Variants in MED12L observed in about 807,000 individuals in gnomAD.
MED12L encodes mediator of RNA polymerase II transcription subunit 12-like protein.
In MED12L, 60 loss-of-function variants were observed where a neutral mutation model predicts 281.3. The ratio of observed to expected loss-of-function variants is 0.21; its 90% confidence interval spans 0.17 to 0.26. The LOEUF (loss-of-function observed/expected upper bound fraction) is 0.26. Among genes scored for constraint, MED12L ranks in the 10% least tolerant of loss-of-function variants. The pLI is 1.00. For synonymous variants in MED12L, 974 were observed against 987.2 expected (o/e 0.99, Z 0.25); for missense variants, 2,146 against 2,680.9 (o/e 0.80, Z 4.41).
At chr3:151,309,135 A>G (rs7653635) in intron 16 of MED12L, among the ~76,000 whole-genome samples, 75 of 129,514 alleles carry the variant, frequency 5.8e-4, no homozygotes, top group Admixed American at 9.6e-4. Flanking sequence ...ACACACACAC[A>G]CACACGCACA....
intron 16 of MED12L, among the ~76,000 whole-genome samples, chr3:151,206,438 C>T (rs190162885): frequency 3.2e-4 from 49 of 151,688 alleles, no homozygotes; most frequent in Non-Finnish European, 1.3e-4. Flanking sequence ...GATGTTATTG[C>T]GTCAACATTT....
intron 11 of MED12L, among the ~76,000 whole-genome samples, chr3:151,181,146 A>G (rs1023035265): frequency 6.6e-6 from 1 of 152,048 alleles, no homozygotes; most frequent in African/African-American, 2.4e-5. Context: ...CATATTTGGA[A>G]TCAGCATCTA....
chr3:151,113,525 G>T (rs920181181), intron 2 of MED12L, among the ~76,000 whole-genome samples: 1 of 152,212 alleles, frequency 6.6e-6, no homozygotes, highest in Non-Finnish European at 1.5e-5. Flanking sequence ...GTGGCCTTCA[G>T]GGGGCAAGGG....
chr3:151,376,133 G>C lies in MED12L; in HGVS notation c.3972G>C (p.Gln1324His), dbSNP rs1180674316. ...ATATGCAAGCACAGAAATTACTGCA[G>C]CTTATCTGTTATCCTCATGGCATTA... The part of the protein sequence containing the change: ...LSNMQAQKLL[Q>H]LICYPHGIKE... The change falls in exon 28 of 45, where the codon CAG becomes CAC. Residue 1324 changes from glutamine to histidine, a missense_variant. Coordinates refer to ENST00000687756, the MANE Select transcript of MED12L (RefSeq NM_001393769.1). 1.2e-6 allele frequency: 2 copies of C among 1,610,920 alleles called. No homozygotes were observed. Among genetic ancestry groups the C allele is most frequent in the South Asian group, 2.2e-5 (2 of 90,580 alleles).
intron 16 of MED12L, among the ~76,000 whole-genome samples, chr3:151,229,473 A>ATTTTTT (rs59434401): frequency 2.2e-5 from 2 of 90,124 alleles, no homozygotes; most frequent in Admixed American, 1.4e-4. Context: ...TGCCCGGCTA[A>ATTTTTT]TTTTTTTTTT....
intron 39 of MED12L, among the ~76,000 whole-genome samples, chr3:151,404,676 T>C (rs1716082469): frequency 6.6e-6 from 1 of 152,242 alleles, no homozygotes; most frequent in Admixed American, 6.5e-5. Context: ...AATCAGTATT[T>C]CCAGAAACCA....
intron 16 of MED12L, among the ~76,000 whole-genome samples, chr3:151,299,792 A>G (rs1197028115): frequency 6.6e-6 from 1 of 152,120 alleles, no homozygotes; most frequent in Non-Finnish European, 1.5e-5. Flanking sequence ...TGTGTTTAAA[A>G]TCTTCCATAA....
Position 151,163,927 on chromosome 3 carries a change from G to T in MED12L, c.1142G>T (p.Trp381Leu), listed in dbSNP as rs747822848. The change falls in exon 9 of 45, where the codon TGG becomes TTG. Residue 381 changes from tryptophan to leucine, a missense_variant. Transcript: ENST00000687756. The stretch of plus-strand genomic sequence containing the variant: ...CTCTGTTGCCCAAGTGCCTTGGTGT[G>T]GAATTATTCCACAAATGAAAATAAG... Reference protein sequence around the residue: ...VTLCCPSALVWNYSTNENKSA... With the variant: ...VTLCCPSALVLNYSTNENKSA... 6.2e-7 allele frequency: 1 copy of T among 1,613,502 alleles called. No homozygotes were observed. The highest frequency in any genetic ancestry group is 8.5e-7 in the Non-Finnish European group (1 of 1,179,700).
chr3:151,267,912 T>TA (rs1288008159), intron 16 of MED12L, among the ~76,000 whole-genome samples: 1 of 152,124 alleles, frequency 6.6e-6, no homozygotes, highest in Non-Finnish European at 1.5e-5. Context: ...GTACGTAGAG[T>TA]ATTTTATCAG....
chr3:151,212,145 A>T (rs149947470), intron 16 of MED12L: 4 of 152,342 alleles, frequency 2.6e-5, no homozygotes, highest in African/African-American at 7.2e-5. Flanking sequence ...TTATTAGTAT[A>T]TAGACAGTAA....
At chr3:151,263,866 C>T (rs1470274568) in intron 16 of MED12L, among the ~76,000 whole-genome samples, 1 of 152,124 alleles carries the variant, frequency 6.6e-6, no homozygotes, top group Non-Finnish European at 1.5e-5. Context: ...AAGAGTGAGA[C>T]AATACAAAGC....
chr3:151,394,779 C>G lies in MED12L; in HGVS notation c.5732C>G (p.Ser1911Trp). 2.5e-6 allele frequency: 4 copies of G among 1,614,204 alleles called. No homozygotes were observed. The highest frequency in any genetic ancestry group is 3.4e-6 in the Non-Finnish European group (4 of 1,180,010). ...CCGCCTTCTCTTCATGCAATCACAT[C>G]GCAGCAGCAGTTGATACAGATGAAG... ...MQPPSLHAIT[S>W]QQQLIQMKLL... The change falls in exon 39 of 45, where the codon TCG (serine) becomes TGG (tryptophan). Residue 1911 changes from serine (S) to tryptophan (W), a missense_variant. Physicochemically the swap from Ser to Trp is radical, Grantham distance 177 (BLOSUM62 -3). Coordinates refer to ENST00000687756, the MANE Select transcript of MED12L (RefSeq NM_001393769.1).
At chr3:151,331,952 C>T (rs1027247152) in intron 16 of MED12L, among the ~76,000 whole-genome samples, 5 of 152,132 alleles carry the variant, frequency 3.3e-5, no homozygotes, top group African/African-American at 4.8e-5. Context: ...CTCTTGCCTC[C>T]GATTAAGCCA....
rs556863370 is a variant in MED12L at position 151,110,893 on chromosome 3, C to A, written c.100-5445C>A. 7.4e-4 allele frequency among the ~76,000 whole-genome samples: 112 copies of A among 152,294 alleles called. 1 individual carries two copies. The highest frequency in any genetic ancestry group is 2.9e-5 in the Non-Finnish European group (2 of 68,030). Reference sequence around the variant, plus strand: ...TGAGCCAAGATGGGACATCCATTTTCTTCCTGGTGGTGAGACCTGTACTGG... The same window carrying A: ...TGAGCCAAGATGGGACATCCATTTTATTCCTGGTGGTGAGACCTGTACTGG... On this transcript the variant is annotated intron_variant, in intron 2 of 44. Transcript: ENST00000687756.
intron 16 of MED12L, among the ~76,000 whole-genome samples, chr3:151,281,556 T>C (rs1203405511): frequency 3.3e-5 from 5 of 152,232 alleles, no homozygotes; most frequent in Non-Finnish European, 5.9e-5. Flanking sequence ...CTGGTCCTTG[T>C]GTGCAAGAAT....
chr3:151,134,790 G>C (rs994832106), intron 5 of MED12L, among the ~76,000 whole-genome samples: 2 of 152,128 alleles, frequency 1.3e-5, no homozygotes, highest in Non-Finnish European at 2.9e-5. Context: ...AGAGAAATAC[G>C]TTATCAAATA....
intron 5 of MED12L, among the ~76,000 whole-genome samples, chr3:151,129,260 A>G (rs9854126): frequency 0.096 from 14,684 of 152,262 alleles, 966 homozygotes; most frequent in Middle Eastern, 0.17. Flanking sequence ...AAAAAGCATG[A>G]ACACTTAAAA....
chr3:151,168,930 C>A (rs186578640), intron 11 of MED12L, among the ~76,000 whole-genome samples: 56 of 152,176 alleles, frequency 3.7e-4, no homozygotes, highest in Non-Finnish European at 2.1e-4. Context: ...ATCCATCTGC[C>A]TTGGACTCTC....
intron 16 of MED12L, among the ~76,000 whole-genome samples, chr3:151,194,090 C>A (rs568248142): frequency 1.3e-5 from 2 of 151,572 alleles, no homozygotes; most frequent in East Asian, 3.9e-4. Context: ...CTCAGCCTCC[C>A]GAGTAGCTGG....
Sources: allele counts gnomAD v4.1 joint callset (sites outside exome capture counted in the v4.1 genomes callset), GRCh38; gene constraint gnomAD v4.1.1; transcripts MANE v1.5; gene names NCBI Gene and HGNC (gene_info 2026-07-23, HGNC 2026-07-21).